The following KCNIP1 variants were observed in gnomAD, a reference collection of about 807,000 sequenced individuals.
KCNIP1 encodes the protein potassium voltage-gated channel interacting protein 1.
Under a neutral mutation model 33.0 loss-of-function variants are expected in KCNIP1, and 18 were observed. The observed-to-expected ratio is 0.55, with a 90% confidence interval of 0.38 to 0.81. KCNIP1 has a LOEUF of 0.81. Among genes scored for constraint, KCNIP1 ranks in the 30% least tolerant of loss-of-function variants. KCNIP1 has a pLI of 0.00. For missense variants in KCNIP1, 238 were observed against 271.6 expected, an observed-to-expected ratio of 0.88 and a Z score of 0.87; for synonymous variants, 93 against 98.3, an observed-to-expected ratio of 0.95 and a Z score of 0.32.
chr5:170,568,648 TA>T lies in KCNIP1; in HGVS notation c.61+64040del, dbSNP rs33992187. On this transcript the variant is annotated intron_variant, in intron 1 of 7. Coordinates refer to ENST00000328939, the MANE Select transcript of KCNIP1 (RefSeq NM_014592.4). ...CGAACATGGTGAAACCCGTTTCTAC[TA>T]AAAAAAAAAAAAAAAAAAAAAAAAT... is the stretch of plus-strand genomic sequence containing the variant. Among the ~76,000 whole-genome samples the T allele has an allele frequency of 2.0e-3, 87 of 43,728 alleles. 3 individuals are homozygous for T. The highest frequency in any genetic ancestry group is 6.5e-3 in the East Asian group (7 of 1,070). The allele number at this position is 43,728 out of a possible 152,430, so 28.7% of individuals were successfully genotyped here. A position where few individuals can be genotyped will look rare whatever the true frequency, so the allele number is the denominator to read the frequency against.
chr5:170,456,144 T>A lies in KCNIP1; in HGVS notation c.88+102180T>A, dbSNP rs372813865. On this transcript the variant is annotated intron_variant, in intron 1 of 7. Coordinates refer to the KCNIP1 transcript ENST00000377360. ...CTATGCAGCCATAAAAAAGAATGAG[T>A]TTATGTCCTTTGCAGGGACATAGAT... Among the ~76,000 whole-genome samples, 122 of 152,176 alleles carry A rather than the reference T, an allele frequency of 8.0e-4. 2 individuals are homozygous for A. The South Asian group carries it at 0.021, about 26-fold the overall frequency.
intron 1 of KCNIP1, among the ~76,000 whole-genome samples, chr5:170,714,589 A>C (rs1167504678): frequency 2.0e-5 from 3 of 152,348 alleles, no homozygotes; most frequent in African/African-American, 7.2e-5. Context: ...GAGCTAAAAA[A>C]TTCCTATTGC....
chr5:170,660,470 T>C (rs1359541404), intron 1 of KCNIP1, among the ~76,000 whole-genome samples: 1 of 152,190 alleles, frequency 6.6e-6, no homozygotes, highest in Non-Finnish European at 1.5e-5. Flanking sequence ...TTATGGTTTC[T>C]GCCAGGAGAC....
intron 1 of KCNIP1, among the ~76,000 whole-genome samples, chr5:170,562,592 G>A (rs1263611128): frequency 6.6e-6 from 1 of 152,192 alleles, no homozygotes; most frequent in Non-Finnish European, 1.5e-5. Flanking sequence ...TTTTGCAAAA[G>A]CCTTTCCCAA....
intron 7 of KCNIP1, among the ~76,000 whole-genome samples, chr5:170,734,780 C>A (rs968133531): frequency 1.3e-5 from 2 of 152,238 alleles, no homozygotes; most frequent in African/African-American, 4.8e-5. Flanking sequence ...ACATCACAGC[C>A]ACCCTGTTAT....
At chr5:170,496,155 G>C (rs536885196) in intron 1 of KCNIP1, among the ~76,000 whole-genome samples, 10 of 152,278 alleles carry the variant, frequency 6.6e-5, no homozygotes, top group Non-Finnish European at 1.5e-4. Context: ...AAGACCCTGC[G>C]TGCACCCTGG....
chr5:170,655,124 T>C (rs141336751), intron 1 of KCNIP1, among the ~76,000 whole-genome samples: 1 of 152,332 alleles, frequency 6.6e-6, no homozygotes, highest in Non-Finnish European at 1.5e-5. Flanking sequence ...ACCTTCAAAA[T>C]ATCTTAAGTC....
At chr5:170,514,058 G>A (rs1437269743) in intron 1 of KCNIP1, among the ~76,000 whole-genome samples, 1 of 152,142 alleles carries the variant, frequency 6.6e-6, no homozygotes, top group Admixed American at 6.5e-5. Flanking sequence ...CCACCACCTG[G>A]GCTCCTGCCT....
At chr5:170,534,516 A>G (rs113476671) in intron 1 of KCNIP1, among the ~76,000 whole-genome samples, 3 of 88,252 alleles carry the variant, frequency 3.4e-5, no homozygotes, top group Admixed American at 1.8e-4. Context: ...GGAGAAGGAG[A>G]AGAAGGAGAA....
intron 1 of KCNIP1, among the ~76,000 whole-genome samples, chr5:170,574,316 C>A (rs1423828395): frequency 6.6e-6 from 1 of 152,148 alleles, no homozygotes; most frequent in Non-Finnish European, 1.5e-5. Flanking sequence ...AATAAAGACC[C>A]AAAACACTTG....
intron 1 of KCNIP1, among the ~76,000 whole-genome samples, chr5:170,551,102 T>C (rs1756611440): frequency 6.6e-6 from 1 of 152,228 alleles, no homozygotes; most frequent in Non-Finnish European, 1.5e-5. Flanking sequence ...TTTACACTTT[T>C]ATGCCTTTTT....
In KCNIP1 at chr5:170,477,297, GTATATATATATACACATATATATTACA is replaced by G. The variant is rs1756877613; in HGVS notation, c.88+123359_88+123385del. Among the ~76,000 whole-genome samples, 10 of 150,090 alleles carry G rather than the reference GTATATATATATACACATATATATTACA, an allele frequency of 6.7e-5. No homozygotes were observed. In the South Asian group the frequency reaches 2.1e-3, roughly 32 times the overall value. ...GTAAATTCACTCTGGGGATGTGTGTGTATATATATATACACATATATATTACATATATATATATACACATATATATTA... is the reference window on the plus strand; with the variant it reads ...GTAAATTCACTCTGGGGATGTGTGTGTATATATATATACACATATATATTA... On this transcript the variant is annotated intron_variant, in intron 1 of 7. Coordinates refer to the KCNIP1 transcript ENST00000377360.
rs369406959 is a variant in KCNIP1, at chr5:170,440,092, C to T, written c.88+86128C>T. Among the ~76,000 whole-genome samples the T allele has an allele frequency of 3.3e-5, 5 of 152,190 alleles. No homozygotes were observed. The South Asian group carries it at 6.2e-4, about 19-fold the overall frequency. Reference sequence around the variant, plus strand: ...ATCCCATGTGACTTGTATCTTCATGCGAAGAGAATAAGACATAGACACACA... The same window carrying T: ...ATCCCATGTGACTTGTATCTTCATGTGAAGAGAATAAGACATAGACACACA... On this transcript the variant is annotated intron_variant, in intron 1 of 7. Transcript: ENST00000377360.
At chr5:170,451,723 T>TTGTGTGTGTG (rs67542248) in intron 1 of KCNIP1, among the ~76,000 whole-genome samples, 7,528 of 122,768 alleles carry the variant, frequency 0.061, 372 homozygotes, top group Non-Finnish European at 0.067. Context: ...TTCTCCTGCA[T>TTGTGTGTGTG]TGTGTGTGTG....
intron 1 of KCNIP1, among the ~76,000 whole-genome samples, chr5:170,387,493 C>T (rs1764525659): frequency 6.6e-6 from 1 of 152,192 alleles, no homozygotes; most frequent in Non-Finnish European, 1.5e-5. Flanking sequence ...CCCATCACAC[C>T]TTCCCAGTGA....
intron 1 of KCNIP1, among the ~76,000 whole-genome samples, chr5:170,607,999 A>T (rs1227585843): frequency 6.6e-6 from 1 of 152,210 alleles, no homozygotes; most frequent in Admixed American, 6.5e-5. Context: ...GAGTGGGTTT[A>T]AAACAATAGA....
At chr5:170,721,087 T>A (rs2113873023) in intron 3 of KCNIP1, among the ~76,000 whole-genome samples, 1 of 152,342 alleles carries the variant, frequency 6.6e-6, no homozygotes, top group East Asian at 1.9e-4. Context: ...CACCAAGAGC[T>A]GTCTCCTGCA....
chr5:170,585,317 G>C (rs1289604034), intron 1 of KCNIP1, among the ~76,000 whole-genome samples: 1 of 152,114 alleles, frequency 6.6e-6, no homozygotes, highest in African/African-American at 2.4e-5. Context: ...GAGGAGATCT[G>C]TTTTGTCCAG....
rs974183811 is a variant in KCNIP1, at chr5:170,642,361, T to C, written c.62-76397T>C. 1.4e-4 allele frequency among the ~76,000 whole-genome samples: 21 copies of C among 152,188 alleles called. 1 individual carries two copies. Among genetic ancestry groups the C allele is most frequent in the African/African-American group, 4.8e-4 (20 of 41,442 alleles). On this transcript the variant is annotated intron_variant, in intron 1 of 7. Transcript: ENST00000328939. Reference sequence around the variant, plus strand: ...GAGTTGGCATGTAGTGAGCACCGACTGTGCACACAGTGCCAGCAAGGAGCT... The same window carrying C: ...GAGTTGGCATGTAGTGAGCACCGACCGTGCACACAGTGCCAGCAAGGAGCT...
Sources: allele counts gnomAD v4.1 joint callset (sites outside exome capture counted in the v4.1 genomes callset), GRCh38; gene constraint gnomAD v4.1.1; transcripts MANE v1.5; gene names NCBI Gene and HGNC (gene_info 2026-07-23, HGNC 2026-07-21).